PCSK2: variants seen among roughly 807,000 people sequenced by gnomAD.
PCSK2 encodes the protein proprotein convertase subtilisin/kexin type 2.
Under a neutral mutation model 69.7 loss-of-function variants are expected in PCSK2, and 14 were observed. The ratio of observed to expected loss-of-function variants is 0.20; its 90% CI spans 0.13 to 0.31. The LOEUF is 0.31. Ranked by LOEUF, PCSK2 falls within the 10% of genes least tolerant of loss-of-function variation. The pLI, the probability that PCSK2 is intolerant of heterozygous loss-of-function variation, is 1.00. For synonymous variants in PCSK2, 307 were observed against 320.7 expected (o/e 0.96, Z 0.46); for missense variants, 544 against 842.5 (o/e 0.65, Z 4.39).
intron 8 of PCSK2, among the ~76,000 whole-genome samples, chr20:17,440,155 T>G (rs961870861): frequency 1.1e-4 from 16 of 152,202 alleles, no homozygotes; most frequent in African/African-American, 3.9e-4. Flanking sequence ...AGTCGATGTC[T>G]CCATTCCTCA....
At chr20:17,460,062 G>A (rs979118471) in intron 10 of PCSK2, among the ~76,000 whole-genome samples, 12 of 152,184 alleles carry the variant, frequency 7.9e-5, no homozygotes, top group Non-Finnish European at 1.3e-4. Context: ...TTAGGGTACC[G>A]GGGTACCATT....
At chr20:17,313,193 C>T (rs1989571591) in intron 2 of PCSK2, among the ~76,000 whole-genome samples, 1 of 152,188 alleles carries the variant, frequency 6.6e-6, no homozygotes, top group Non-Finnish European at 1.5e-5. Context: ...TAGTTACACT[C>T]TTATTTTCAT....
At chr20:17,242,683 TC>T (rs925830005) in intron 1 of PCSK2, among the ~76,000 whole-genome samples, 66 of 152,312 alleles carry the variant, frequency 4.3e-4, no homozygotes, top group African/African-American at 1.4e-3. Context: ...CTGAATGAGA[TC>T]TTTTGTCACA....
intron 2 of PCSK2, among the ~76,000 whole-genome samples, chr20:17,270,293 C>A (rs1987810256): frequency 6.6e-6 from 1 of 152,098 alleles, no homozygotes; most frequent in South Asian, 2.1e-4. Context: ...TTTGTGATCA[C>A]ATCTCTTTCT....
chr20:17,377,187 G>T (rs191862800), intron 5 of PCSK2, among the ~76,000 whole-genome samples: 22 of 152,280 alleles, frequency 1.4e-4, no homozygotes, highest in Non-Finnish European at 2.4e-4. Flanking sequence ...ATGCAATTAG[G>T]TTCCTAGATA....
At chr20:17,325,318 T>C (rs1052652607) in intron 2 of PCSK2, among the ~76,000 whole-genome samples, 1 of 152,074 alleles carries the variant, frequency 6.6e-6, no homozygotes, top group Non-Finnish European at 1.5e-5. Flanking sequence ...GCAGCTCAAT[T>C]TTGGTTTTTC....
intron 2 of PCSK2, among the ~76,000 whole-genome samples, chr20:17,292,135 T>C (rs756860770): frequency 6.6e-6 from 1 of 152,202 alleles, no homozygotes; most frequent in Non-Finnish European, 1.5e-5. Flanking sequence ...CAGCAACCTC[T>C]AAATGTGTCC....
At chr20:17,448,922 C>T (rs1156877380) in intron 8 of PCSK2, among the ~76,000 whole-genome samples, 1 of 149,770 alleles carries the variant, frequency 6.7e-6, no homozygotes, top group Non-Finnish European at 1.5e-5. Context: ...TCCTTTCACC[C>T]AGGCTGGAGT....
At chr20:17,355,650 A>AACACACACACAC (rs74179105) in intron 2 of PCSK2, among the ~76,000 whole-genome samples, 8,533 of 148,682 alleles carry the variant, frequency 0.057, 284 homozygotes, top group Non-Finnish European at 0.08. Flanking sequence ...TGTGCACGCA[A>AACACACACACAC]ACACACACAC....
chr20:17,473,611 C>T lies in PCSK2; in HGVS notation c.1431-7973C>T, dbSNP rs2033242246. ...AAAATAAGAATGTTTCATTCCTTTT[C>T]TTCTCATAAAAGCAATACATGGTCA... is the stretch of plus-strand genomic sequence containing the variant. On this transcript the variant is annotated intron_variant, in intron 11 of 11. Coordinates refer to ENST00000262545, the MANE Select transcript of PCSK2 (RefSeq NM_002594.5). 3.3e-5 allele frequency among the ~76,000 whole-genome samples: 5 copies of T among 152,188 alleles called. No individual in the cohort carries two copies. The South Asian group carries it at 1.0e-3, about 32-fold the overall frequency.
chr20:17,443,820 G>T (rs558961471), intron 8 of PCSK2, among the ~76,000 whole-genome samples: 1 of 152,218 alleles, frequency 6.6e-6, no homozygotes, highest in Non-Finnish European at 1.5e-5. Flanking sequence ...TGCCGAGCCC[G>T]CTGAAGCTTA....
intron 8 of PCSK2, among the ~76,000 whole-genome samples, chr20:17,451,945 G>T (rs2123378769): frequency 6.8e-6 from 1 of 147,240 alleles, no homozygotes; most frequent in East Asian, 2.0e-4. Context: ...TTGAGATGGG[G>T]TCTCGTTCTG....
At chr20:17,255,481 A>G (rs775756564) in intron 1 of PCSK2, among the ~76,000 whole-genome samples, 3 of 151,960 alleles carry the variant, frequency 2.0e-5, no homozygotes, top group African/African-American at 7.3e-5. Flanking sequence ...AGCTGGGACT[A>G]CAGGAGCCTG....
At chr20:17,401,448 G>A (rs2031634664) in intron 5 of PCSK2, among the ~76,000 whole-genome samples, 1 of 152,048 alleles carries the variant, frequency 6.6e-6, no homozygotes, top group Non-Finnish European at 1.5e-5. Flanking sequence ...CCGTTCATGA[G>A]GGCTCCACCC....
intron 8 of PCSK2, among the ~76,000 whole-genome samples, chr20:17,448,015 T>C (rs2032734171): frequency 6.6e-6 from 1 of 152,228 alleles, no homozygotes; most frequent in African/African-American, 2.4e-5. Flanking sequence ...AGGACTTTTA[T>C]TTCCTTCATC....
At chr20:17,348,911 G>A (rs1285823992) in intron 2 of PCSK2, among the ~76,000 whole-genome samples, 2 of 152,164 alleles carry the variant, frequency 1.3e-5, no homozygotes, top group Non-Finnish European at 2.9e-5. Context: ...GAACTTAGAG[G>A]GAAGAGAGTC....
Position 17,409,250 on chromosome 20 carries a change from T to G in PCSK2, c.544-13T>G, listed in dbSNP as rs55735326. ...GGCTGTACGGACCTAATGAGATGCC[T>G]TGTGTTTTTCAGAATGCCGAAGCAA... is the stretch of plus-strand genomic sequence containing the variant. On this transcript the variant is annotated splice_polypyrimidine_tract_variant and intron_variant, in intron 5 of 11. Transcript: ENST00000262545. 67 of 1,611,246 alleles carry G rather than the reference T, an allele frequency of 4.2e-5. 1 individual carries two copies. Among genetic ancestry groups the G allele is most frequent in the Middle Eastern group, 3.3e-4 (2 of 6,052 alleles).
intron 3 of PCSK2, 39 bp downstream of exon 3, chr20:17,358,479 G>C (rs1417920355): frequency 9.3e-7 from 1 of 1,079,726 alleles, no homozygotes. Flanking sequence ...TTCCCATCTT[G>C]AGACTCTGGA....
At chr20:17,396,234 T>C (rs1041518397) in intron 5 of PCSK2, among the ~76,000 whole-genome samples, 9 of 152,236 alleles carry the variant, frequency 5.9e-5, no homozygotes, top group African/African-American at 2.2e-4. Flanking sequence ...TGTAGACCCT[T>C]GACTGTACAC....
Sources: gnomAD v4.1 joint callset for allele counts (sites outside exome capture counted in the v4.1 genomes callset) on GRCh38, gnomAD v4.1.1 for gene constraint, MANE v1.5 for transcripts, NCBI Gene and HGNC (gene_info 2026-07-23, HGNC 2026-07-21) for gene names.